NF1: variants seen among roughly 807,000 people sequenced by gnomAD.
NF1 encodes neurofibromin.
A neutral mutation model predicts 325.7 loss-of-function variants in NF1; 122 were observed. The observed-to-expected ratio is 0.37, with a 90% CI of 0.32 to 0.44. The LOEUF (loss-of-function observed/expected upper bound fraction) is 0.44, where lower values mean the gene tolerates loss of function less well. Among genes scored for constraint, NF1 ranks in the 20% least tolerant of loss-of-function variants. NF1 has a pLI of 1.00. For missense variants in NF1, 2,140 were observed against 3,415.4 expected, an observed-to-expected ratio of 0.63 and a Z score of 9.31; for synonymous variants, 1,091 against 1,186.0, an observed-to-expected ratio of 0.92 and a Z score of 1.65.
chr17:31,202,325 T>G (rs1288851436), intron 11 of NF1, among the ~76,000 whole-genome samples: 1 of 152,218 alleles, frequency 6.6e-6, no homozygotes, highest in Non-Finnish European at 1.5e-5. Flanking sequence ...ACTTAGTATA[T>G]TTGACCTGTT....
chr17:31,116,349 C>G (rs1186345623), intron 1 of NF1, among the ~76,000 whole-genome samples: 1 of 151,866 alleles, frequency 6.6e-6, no homozygotes, highest in African/African-American at 2.4e-5. Context: ...TGAAAAATTG[C>G]CAGGGTTAGC....
chr17:31,318,434 C>G, intron 36 of NF1: 1 of 1,613,960 alleles, frequency 6.2e-7, no homozygotes, highest in Non-Finnish European at 8.5e-7. Flanking sequence ...TTCCAAGTGT[C>G]TGATTCAGCG....
chr17:31,227,326 C>T (rs373693038), intron 19 of NF1, 35 bp downstream of exon 19: 4 of 1,603,458 alleles, frequency 2.5e-6, no homozygotes, highest in Middle Eastern at 1.7e-4. Context: ...CCCTCCCAGG[C>T]GCCCACCCTC....
Position 31,352,425 on chromosome 17 carries a change from C to T in NF1, c.7615+11C>T, listed in dbSNP as rs2151577495. ...CTAAGAAGTTGCTTGGTTAGTTTATCTAAATTATGTAGATTTTTTTTATTA... is the reference window on the plus strand; with the variant it reads ...CTAAGAAGTTGCTTGGTTAGTTTATTTAAATTATGTAGATTTTTTTTATTA... On this transcript the variant is annotated intron_variant, in intron 51 of 57. Coordinates refer to ENST00000358273, the MANE Select transcript of NF1 (RefSeq NM_001042492.3). The T allele has an allele frequency of 6.3e-7, 1 of 1,590,226 alleles. No individual in the cohort carries two copies. Among genetic ancestry groups the T allele is most frequent in the South Asian group, 1.2e-5 (1 of 85,926 alleles).
rs1308168204 is a variant in NF1 at position 31,166,304 on chromosome 17, C to A, written c.479+2928C>A. 2.0e-5 allele frequency among the ~76,000 whole-genome samples: 3 copies of A among 152,192 alleles called. No individual in the cohort carries two copies. The East Asian group carries it at 5.8e-4, about 29-fold the overall frequency. On this transcript the variant is annotated intron_variant, in intron 4 of 57. Transcript: ENST00000358273. ...TTCAGTTTTTTTATATGTCTCTGAT[C>A]ATTTAAAACGTATTTTACGTTCTCT...
Position 31,255,771 on chromosome 17 carries a change from G to A in NF1, c.4174-2573G>A, listed in dbSNP as rs145203630. Among the ~76,000 whole-genome samples, 93 of 152,154 alleles carry A rather than the reference G, an allele frequency of 6.1e-4. 1 individual carries two copies. The Middle Eastern group carries it at 0.01, about 17-fold the overall frequency. ...AAACTTCTTTGTCCTAGAGAAAACC[G>A]GTAAATAGCTACTTTCAAAGAAGTA... On this transcript the variant is annotated intron_variant, in intron 31 of 57. Coordinates refer to ENST00000358273, the MANE Select transcript of NF1 (RefSeq NM_001042492.3).
chr17:31,263,103 G>GATAGATAGA (rs2067718887), intron 35 of NF1, among the ~76,000 whole-genome samples: 2 of 59,424 alleles, frequency 3.4e-5, no homozygotes, highest in African/African-American at 8.3e-5. Flanking sequence ...AGGTAGGTAG[G>GATAGATAGA]TAGGTAGATA....
chr17:31,189,305 C>T (rs1042681321), intron 8 of NF1, among the ~76,000 whole-genome samples: 1 of 144,934 alleles, frequency 6.9e-6, no homozygotes, highest in Non-Finnish European at 1.5e-5. Flanking sequence ...ATGTAGTCAC[C>T]TCAGCCTTGT....
intron 11 of NF1, among the ~76,000 whole-genome samples, chr17:31,202,172 C>T (rs934337410): frequency 6.6e-6 from 1 of 152,142 alleles, no homozygotes; most frequent in East Asian, 1.9e-4. Context: ...TTTTAAAATT[C>T]TGTTCTTGTA....
intron 12 of NF1, among the ~76,000 whole-genome samples, chr17:31,214,106 T>G (rs1481504911): frequency 2.0e-5 from 3 of 152,164 alleles, no homozygotes; most frequent in Non-Finnish European, 4.4e-5. Flanking sequence ...GTGAGAACTA[T>G]AGGCCAAATC....
chr17:31,342,699 A>T (rs2069854721), intron 47 of NF1, among the ~76,000 whole-genome samples: 1 of 152,192 alleles, frequency 6.6e-6, no homozygotes, highest in South Asian at 2.1e-4. Context: ...TGCCCTTTGG[A>T]TGCTAGGCAT....
intron 36 of NF1, among the ~76,000 whole-genome samples, chr17:31,293,529 C>T (rs1476896815): frequency 3.3e-5 from 5 of 152,068 alleles, no homozygotes; most frequent in Admixed American, 6.6e-5. Context: ...TTTGTTGAAG[C>T]TTAATGGTAA....
intron 57 of NF1, chr17:31,362,448 C>T: frequency 1.5e-6 from 1 of 659,216 alleles, no homozygotes; most frequent in African/African-American, 2.0e-5. Context: ...TTATACAGTT[C>T]TTATCTAGAA....
Position 31,337,805 on chromosome 17 carries a change from A to G in NF1, c.6643-14A>G, listed in dbSNP as rs758831458. 3 of 1,612,894 alleles carry G rather than the reference A, an allele frequency of 1.9e-6. No individual in the cohort carries two copies. Among genetic ancestry groups the G allele is most frequent in the Non-Finnish European group, 1.7e-6 (2 of 1,178,970 alleles). On this transcript the variant is annotated splice_polypyrimidine_tract_variant and intron_variant, in intron 43 of 57. Transcript: ENST00000358273. The stretch of plus-strand genomic sequence containing the variant: ...TTTATGTACAATATGTATTCAGAGT[A>G]TCCCCTTTTTTAGGCATGCATGAGA...
intron 46 of NF1, 29 bp from the exon 47 acceptor site, chr17:31,340,476 A>G (rs773394535): frequency 3.7e-6 from 6 of 1,614,104 alleles, no homozygotes; most frequent in Non-Finnish European, 4.2e-6. Flanking sequence ...GATTCATCTT[A>G]CTAGCCTCAA....
intron 35 of NF1, among the ~76,000 whole-genome samples, chr17:31,264,576 T>G (rs1050306982): frequency 4.6e-5 from 7 of 152,170 alleles, no homozygotes; most frequent in Non-Finnish European, 1.0e-4. Flanking sequence ...CCCTAGAAAC[T>G]GAGCTCAGTG....
At chr17:31,319,529 A>G (rs996678637) in intron 36 of NF1, among the ~76,000 whole-genome samples, 7 of 152,134 alleles carry the variant, frequency 4.6e-5, no homozygotes, top group Non-Finnish European at 8.8e-5. Flanking sequence ...TTTGGTAGCA[A>G]CCAAAAGAAA....
At chr17:31,366,411 C>A (rs143664712) in intron 57 of NF1, among the ~76,000 whole-genome samples, 154 of 152,318 alleles carry the variant, frequency 1.0e-3, no homozygotes, top group Non-Finnish European at 1.8e-3. Context: ...CAGTCATTCT[C>A]TCACTTTGCT....
Position 31,226,451 on chromosome 17 carries a change from G to A in NF1, c.2018G>A (p.Cys673Tyr), listed in dbSNP as rs878853872. The A allele has an allele frequency of 6.2e-7, 1 of 1,613,524 alleles. No homozygotes were observed. The highest frequency in any genetic ancestry group is 1.1e-5 in the South Asian group (1 of 91,074). Residue 673 changes from cysteine to tyrosine, a missense_variant, in exon 18 of 58, where the codon TGC (cysteine) becomes TAC (tyrosine). Physicochemically the swap from Cys to Tyr is radical, Grantham distance 194. This residue lies in a region of NF1 where 380 missense variants were observed against 639.3 expected (regional missense o/e 0.59). Coordinates refer to ENST00000358273, the MANE Select transcript of NF1 (RefSeq NM_001042492.3). ...GACTCTCAGGATAGTGCAGCAGGATGCAGCGGAACCCCCCCGATTTGCCGA... is the reference window on the plus strand; with the variant it reads ...GACTCTCAGGATAGTGCAGCAGGATACAGCGGAACCCCCCCGATTTGCCGA... ...GNSSMDSAAGCSGTPPICRQA... is the reference protein window; with the variant it reads ...GNSSMDSAAGYSGTPPICRQA...
Sources: allele counts gnomAD v4.1 joint callset (sites outside exome capture counted in the v4.1 genomes callset), GRCh38; gene constraint gnomAD v4.1.1; regional missense constraint gnomAD v4.1.1; transcripts MANE v1.5; gene names NCBI Gene and HGNC (gene_info 2026-07-23, HGNC 2026-07-21).